The following TDRD6 variants were observed in gnomAD, a reference collection of about 807,000 sequenced individuals.
TDRD6 encodes tudor domain-containing protein 6.
A neutral mutation model predicts 157.5 loss-of-function variants in TDRD6; 186 were observed. The ratio of observed to expected loss-of-function variants is 1.18; its 90% confidence interval spans 1.05 to 1.33. The LOEUF is 1.33. Ranked by LOEUF, TDRD6 falls within the 40% of genes most tolerant of loss-of-function variation. TDRD6 has a pLI of 0.00. For missense variants in TDRD6, 3,066 were observed against 2,508.0 expected, an observed-to-expected ratio of 1.22 and a Z score of -4.75; for synonymous variants, 1,075 against 945.2, an observed-to-expected ratio of 1.14 and a Z score of -2.52.
At chr6:46,686,176 C>G (rs748009336), upstream of TDRD6, among the ~76,000 whole-genome samples, 1 of 152,116 alleles carries the variant, frequency 6.6e-6, no homozygotes, top group African/African-American at 2.4e-5. Context: ...CTGTGGTCTA[C>G]AAAGGAGTTT....
chr6:46,688,359 C>T lies in TDRD6; in HGVS notation c.231C>T (p.Val77=), dbSNP rs762579531. Residue 77 remains valine (V), a synonymous_variant, in exon 1 of 4, where the codon GTC becomes GTT. Coordinates refer to ENST00000316081, the MANE Select transcript of TDRD6 (RefSeq NM_001010870.3). ...CCGGCGAGCTGTGCCTGGTGCAGGT[C>T]GGGCTTTTGTGGCACCGCTGCCGCG... is the stretch of plus-strand genomic sequence containing the variant. The part of the protein sequence containing the change: ...ASPGELCLVQ[V]GLLWHRCRVV... 2.6e-6 allele frequency: 4 copies of T among 1,533,202 alleles called. No homozygotes were observed. Among genetic ancestry groups the T allele is most frequent in the South Asian group, 1.2e-5 (1 of 83,844 alleles). The allele number at this position is 1,533,202 out of a possible 1,614,324, so 95.0% of individuals were successfully genotyped here.
At position 46,693,128 on chromosome 6, in the gene TDRD6, T is replaced by C. The variant is rs977102864; in HGVS notation, c.5000T>C (p.Ile1667Thr). Residue 1667 changes from isoleucine (I) to threonine (T), a missense_variant, in exon 1 of 4, where the codon ATA becomes ACA. Coordinates refer to ENST00000316081, the MANE Select transcript of TDRD6 (RefSeq NM_001010870.3). ...IITEDVLEIT[I>T]LEIRRDVCDI... ...ACAGAAGATGTGTTGGAAATAACAATACTAGAAATCAGAAGGGATGTTTGT... is the reference window on the plus strand; with the variant it reads ...ACAGAAGATGTGTTGGAAATAACAACACTAGAAATCAGAAGGGATGTTTGT... 1.2e-6 allele frequency: 2 copies of C among 1,612,608 alleles called. No individual in the cohort carries two copies. The highest frequency in any genetic ancestry group is 1.7e-5 in the Admixed American group (1 of 59,656).
At position 46,690,315 on chromosome 6, in the gene TDRD6, A is replaced by G; in HGVS notation, c.2187A>G (p.Val729=). 1 of 1,613,448 alleles carries G rather than the reference A, an allele frequency of 6.2e-7. No individual in the cohort carries two copies. The highest frequency in any genetic ancestry group is 8.5e-7 in the Non-Finnish European group (1 of 1,180,008). ...VSKALSDTTV[V]TNGSTELVVQ... ...AAGCTTTGAGTGACACAACAGTTGT[A>G]ACAAATGGTTCAACTGAACTAGTTG... is the stretch of plus-strand genomic sequence containing the variant. Residue 729 remains valine (V), a synonymous_variant, in exon 1 of 4, where the codon GTA becomes GTG. Coordinates refer to ENST00000316081, the MANE Select transcript of TDRD6 (RefSeq NM_001010870.3).
upstream of TDRD6, chr6:46,687,879 A>C: frequency 1.0e-5 from 5 of 476,820 alleles, no homozygotes; most frequent in East Asian, 4.1e-5. Flanking sequence ...CGAGTGAGGT[A>C]AATGCGTGCC....
At chr6:46,680,497 T>A in the TDRD6 span, among the ~76,000 whole-genome samples, 1 of 152,136 alleles carries the variant, frequency 6.6e-6, no homozygotes, top group African/African-American at 2.4e-5. Flanking sequence ...TGGGGAAAAA[T>A]TATTCAGACC....
Position 46,701,917 on chromosome 6 carries a change from C to T in TDRD6, c.*30C>T. ...GGATCTATAGCTGTGGCCAATCAGT[C>T]AGAAGCTGCCCTTGAACAAGTGGCA... On this transcript the variant is annotated 3_prime_UTR_variant, in exon 4 of 4. Coordinates refer to ENST00000316081, the MANE Select transcript of TDRD6 (RefSeq NM_001010870.3). The T allele has an allele frequency of 1.9e-6, 3 of 1,609,190 alleles. No homozygotes were observed. Among genetic ancestry groups the T allele is most frequent in the Non-Finnish European group, 2.5e-6 (3 of 1,176,646 alleles).
Position 46,688,140 on chromosome 6 carries a change from G to C in TDRD6, c.12G>C (p.Thr4=), listed in dbSNP as rs1018302482. The change falls in exon 1 of 4, where the codon ACG becomes ACC. Residue 4 remains threonine, a synonymous_variant. Coordinates refer to ENST00000316081, the MANE Select transcript of TDRD6 (RefSeq NM_001010870.3). The stretch of plus-strand genomic sequence containing the variant: ...GCCGCGCCGTCAAGATGTGCTCGAC[G>C]CCCGGAATGCCGGCGCCGGGGGCCT... The part of the protein sequence containing the change: MCS[T]PGMPAPGASL... The C allele has an allele frequency of 2.0e-6, 3 of 1,538,188 alleles. No homozygotes were observed. Among genetic ancestry groups the C allele is most frequent in the Non-Finnish European group, 1.7e-6 (2 of 1,149,142 alleles).
At position 46,688,081 on chromosome 6, in the gene TDRD6, G is replaced by A. The variant is rs773683074; in HGVS notation, c.-48G>A. 5 of 1,431,270 alleles carry A rather than the reference G, an allele frequency of 3.5e-6. No individual in the cohort carries two copies. Among genetic ancestry groups the A allele is most frequent in the Non-Finnish European group, 2.7e-6 (3 of 1,101,870 alleles). The allele number at this position is 1,431,270 out of a possible 1,614,324, so 88.7% of individuals were successfully genotyped here. A position where few individuals can be genotyped will look rare whatever the true frequency, so the allele number is the denominator to read the frequency against. ...GGCGCGGAGGATTTCGAGGCCCTGA[G>A]GCGCGGCCCTTAATTTCCGGAAGTG... On this transcript the variant is annotated 5_prime_UTR_variant, in exon 1 of 4. Coordinates refer to ENST00000316081, the MANE Select transcript of TDRD6 (RefSeq NM_001010870.3).
chr6:46,696,803 G>C (rs1273851130), intron 2 of TDRD6, among the ~76,000 whole-genome samples: 1 of 150,292 alleles, frequency 6.7e-6, no homozygotes, highest in Non-Finnish European at 1.5e-5. Context: ...AGTAGAGACG[G>C]GGTTTCACCT....
At chr6:46,697,965 G>T in intron 2 of TDRD6, 33 bp from the exon 3 acceptor site, 2 of 1,326,388 alleles carry the variant, frequency 1.5e-6, no homozygotes, top group Non-Finnish European at 2.1e-6. Flanking sequence ...TTTTTGAATT[G>T]GACACTTTAA....
At position 46,689,538 on chromosome 6, in the gene TDRD6, TGAA is replaced by T; in HGVS notation, c.1413_1415del (p.Glu472del). The T allele has an allele frequency of 6.2e-7, 1 of 1,614,038 alleles. No homozygotes were observed. The highest frequency in any genetic ancestry group is 1.1e-5 in the South Asian group (1 of 91,070). Reference sequence around the variant, plus strand: ...CTCAGTCTCCTGCTGAAGAAGTAGATGAAGAGATTTCACTCCCAGCCTTAAGAT... The same window carrying T: ...CTCAGTCTCCTGCTGAAGAAGTAGATGAGATTTCACTCCCAGCCTTAAGAT... On this transcript the variant is annotated inframe_deletion, in exon 1 of 4. Coordinates refer to ENST00000316081, the MANE Select transcript of TDRD6 (RefSeq NM_001010870.3).
rs898494177 is a variant in TDRD6, at chr6:46,690,352, G to C, written c.2224G>C (p.Val742Leu). 5 of 1,613,508 alleles carry C rather than the reference G, an allele frequency of 3.1e-6. No homozygotes were observed. The South Asian group carries it at 5.5e-5, about 18-fold the overall frequency. Reference protein sequence around the residue: ...GSTELVVQEKVKRASVYFPLM... With the variant: ...GSTELVVQEKLKRASVYFPLM... ...AACTGAACTAGTTGTGCAGGAAAAAGTGAAAAGAGCATCTGTTTATTTTCC... is the reference window on the plus strand; with the variant it reads ...AACTGAACTAGTTGTGCAGGAAAAACTGAAAAGAGCATCTGTTTATTTTCC... Residue 742 changes from valine (V) to leucine (L), a missense_variant, in exon 1 of 4, where the codon GTG becomes CTG. By Grantham distance (32) the Val-to-Leu change is conservative. Transcript: ENST00000316081.
At chr6:46,696,317 T>A (rs1367142972) in intron 2 of TDRD6, among the ~76,000 whole-genome samples, 1 of 151,654 alleles carries the variant, frequency 6.6e-6, no homozygotes, top group African/African-American at 2.4e-5. Context: ...CTTAAATTGA[T>A]TGTCCATGGT....
the TDRD6 span, among the ~76,000 whole-genome samples, chr6:46,681,951 G>GA: frequency 1.3e-5 from 2 of 151,956 alleles, no homozygotes; most frequent in Non-Finnish European, 2.9e-5. Context: ...TTGGGATGAT[G>GA]AAAAAAATCT....
At position 46,688,485 on chromosome 6, in the gene TDRD6, C is replaced by A. The variant is rs772667339; in HGVS notation, c.357C>A (p.Phe119Leu). 3.9e-6 allele frequency: 6 copies of A among 1,553,344 alleles called. No homozygotes were observed. Among genetic ancestry groups the A allele is most frequent in the Non-Finnish European group, 4.3e-6 (5 of 1,151,890 alleles). Residue 119 changes from phenylalanine (F) to leucine (L), a missense_variant, in exon 1 of 4, where the codon TTC becomes TTA. Physicochemically the swap from Phe to Leu is conservative, Grantham distance 22. Transcript: ENST00000316081. Reference sequence around the variant, plus strand: ...CGCTGGCGCCTGGGCGCAGAGAGTTCTTCAATTTGCCCTCGGAAGTGCTGG... The same window carrying A: ...CGCTGGCGCCTGGGCGCAGAGAGTTATTCAATTTGCCCTCGGAAGTGCTGG... ...AGSLAPGRRE[F>L]FNLPSEVLGC... is the part of the protein sequence containing the mutation.
At position 46,691,451 on chromosome 6, in the gene TDRD6, C is replaced by T. The variant is rs1159572059; in HGVS notation, c.3323C>T (p.Pro1108Leu). ...CSLSDIPDHI[P>L]EEVVVWFQET... ...TTATCTGATATTCCTGATCATATAC[C>T]AGAAGAAGTGGTGGTGTGGTTTCAG... is the stretch of plus-strand genomic sequence containing the variant. Residue 1108 changes from proline (P) to leucine (L), a missense_variant, in exon 1 of 4, where the codon CCA (proline) becomes CTA (leucine). By Grantham distance (98) the Pro-to-Leu change is moderately conservative. Transcript: ENST00000316081. 2 of 1,613,958 alleles carry T rather than the reference C, an allele frequency of 1.2e-6. No homozygotes were observed. Among genetic ancestry groups the T allele is most frequent in the Admixed American group, 3.3e-5 (2 of 60,018 alleles).
rs1764277708 is a variant in TDRD6, at chr6:46,690,563, CA to C, written c.2436del (p.Ala813LeufsTer17). The C allele has an allele frequency of 6.2e-7, 1 of 1,614,174 alleles. No homozygotes were observed. On this transcript the variant is annotated frameshift_variant, in exon 1 of 4. Coordinates refer to ENST00000316081, the MANE Select transcript of TDRD6 (RefSeq NM_001010870.3). LOFTEE classifies it high-confidence loss of function. ...GATATTCAGTACTATTGCAAAAATA[CA>C]GCTGCTCCTCACCAGAGAAACACCC... Reference protein sequence around the residue: ...MSDIQYYCKNTAAPHQRNTLA... With the variant: ...MSDIQYYCKNXAAPHQRNTLA...
rs1339463021 is a variant in TDRD6, at chr6:46,690,249, G to A, written c.2121G>A (p.Glu707=). The change falls in exon 1 of 4, where the codon GAG becomes GAA. Residue 707 remains glutamate, a synonymous_variant. Transcript: ENST00000316081. The part of the protein sequence containing the change: ...KIPFAKTGEG[E]QKAKRENKTT... Reference sequence around the variant, plus strand: ...CTTTTGCCAAGACTGGAGAAGGAGAGCAGAAAGCCAAGAGAGAGAATAAAA... The same window carrying A: ...CTTTTGCCAAGACTGGAGAAGGAGAACAGAAAGCCAAGAGAGAGAATAAAA... The A allele has an allele frequency of 1.2e-6, 2 of 1,613,742 alleles. No individual in the cohort carries two copies. Among genetic ancestry groups the A allele is most frequent in the East Asian group, 2.2e-5 (1 of 44,890 alleles).
Position 46,690,811 on chromosome 6 carries a change from C to G in TDRD6, c.2683C>G (p.Pro895Ala). The G allele has an allele frequency of 6.2e-7, 1 of 1,614,018 alleles. No homozygotes were observed. The highest frequency in any genetic ancestry group is 8.5e-7 in the Non-Finnish European group (1 of 1,179,984). Residue 895 changes from proline to alanine, a missense_variant, in exon 1 of 4, where the codon CCC becomes GCC. Physicochemically the swap from Pro to Ala is conservative, Grantham distance 27. Transcript: ENST00000316081. ...YNLIQPVGQNPFVWDVKAIQA... is the reference protein window; with the variant it reads ...YNLIQPVGQNAFVWDVKAIQA... ...TTTAATTCAACCAGTTGGCCAGAATCCCTTTGTTTGGGATGTAAAGGCAAT... is the reference window on the plus strand; with the variant it reads ...TTTAATTCAACCAGTTGGCCAGAATGCCTTTGTTTGGGATGTAAAGGCAAT...
Sources: gnomAD v4.1 joint callset for allele counts (sites outside exome capture counted in the v4.1 genomes callset) on GRCh38, gnomAD v4.1.1 for gene constraint, MANE v1.5 for transcripts, NCBI Gene and HGNC (gene_info 2026-07-23, HGNC 2026-07-21) for gene names.